Variants in GMDS observed in about 807,000 individuals in gnomAD.
The protein encoded by GMDS is GDP-mannose 4,6 dehydratase.
A neutral mutation model predicts 49.9 loss-of-function variants in GMDS; 20 were observed. The ratio of observed to expected loss-of-function variants is 0.40; its 90% CI spans 0.28 to 0.58. The LOEUF (loss-of-function observed/expected upper bound fraction) is 0.58, where lower values mean the gene tolerates loss of function less well. Among genes scored for constraint, GMDS ranks in the 20% least tolerant of loss-of-function variants. The pLI, the probability that GMDS is intolerant of heterozygous loss-of-function variation, is 0.42. For synonymous variants in GMDS, 177 were observed against 178.6 expected (o/e 0.99, Z 0.07); for missense variants, 362 against 481.4 (o/e 0.75, Z 2.32).
chr6:1,699,528 G>A (rs1156475048), intron 9 of GMDS, among the ~76,000 whole-genome samples: 11 of 152,080 alleles, frequency 7.2e-5, no homozygotes, highest in East Asian at 1.9e-4. Context: ...AGAGGCTCCC[G>A]GAAAGAACCC....
Position 1,624,056 on chromosome 6 carries a change from G to A in GMDS, c.*113C>T. The A allele has an allele frequency of 2.2e-6, 2 of 910,564 alleles. No homozygotes were observed. Among genetic ancestry groups the A allele is most frequent in the Admixed American group, 2.1e-5 (1 of 46,950 alleles). 56.4% of individuals were successfully genotyped at this position (910,564 alleles called of 1,614,324 possible). A position where few individuals can be genotyped will look rare whatever the true frequency, so the allele number is the denominator to read the frequency against. On this transcript the variant is annotated 3_prime_UTR_variant, in exon 11 of 11. Coordinates refer to ENST00000380815, the MANE Select transcript of GMDS (RefSeq NM_001500.4). ...GGCCGGGACAGCGCAGCGGCAGCAGGGGCCGCAGGGGACCCGCAGATTGGC... is the reference window on the plus strand; with the variant it reads ...GGCCGGGACAGCGCAGCGGCAGCAGAGGCCGCAGGGGACCCGCAGATTGGC...
intron 1 of GMDS, among the ~76,000 whole-genome samples, chr6:2,187,991 C>A (rs775208980): frequency 6.6e-6 from 1 of 152,204 alleles, no homozygotes; most frequent in East Asian, 1.9e-4. Flanking sequence ...AGCCTCCTTG[C>A]AGAGCATTCA....
intron 4 of GMDS, among the ~76,000 whole-genome samples, chr6:1,970,515 C>T (rs1370278266): frequency 6.6e-6 from 1 of 152,164 alleles, no homozygotes; most frequent in Non-Finnish European, 1.5e-5. Context: ...GAAGGCGCTA[C>T]CCGACCAGGA....
chr6:1,974,269 G>A (rs561319240), intron 4 of GMDS, among the ~76,000 whole-genome samples: 1 of 152,104 alleles, frequency 6.6e-6, no homozygotes, highest in Admixed American at 6.5e-5. Context: ...TGGAAAGGAG[G>A]GCCAGAAGCT....
At chr6:1,807,109 C>A (rs1770210314) in intron 7 of GMDS, among the ~76,000 whole-genome samples, 1 of 151,918 alleles carries the variant, frequency 6.6e-6, no homozygotes, top group Admixed American at 6.6e-5. Flanking sequence ...GTGTGGCAAT[C>A]AGGGCTCACC....
At chr6:2,127,668 G>A (rs1214624769) in intron 1 of GMDS, among the ~76,000 whole-genome samples, 1 of 152,188 alleles carries the variant, frequency 6.6e-6, no homozygotes, top group African/African-American at 2.4e-5. Context: ...AGTGGGAAAC[G>A]AGCCGAGCGA....
At chr6:1,806,293 T>C (rs1770172576) in intron 7 of GMDS, among the ~76,000 whole-genome samples, 1 of 152,188 alleles carries the variant, frequency 6.6e-6, no homozygotes, top group Non-Finnish European at 1.5e-5. Flanking sequence ...CTAAAGGTTC[T>C]TATAAATTGA....
At chr6:2,171,743 A>T (rs187169908) in intron 1 of GMDS, among the ~76,000 whole-genome samples, 1 of 152,354 alleles carries the variant, frequency 6.6e-6, no homozygotes, top group East Asian at 1.9e-4. Context: ...AAGCATCAGG[A>T]AAGTCTTCAA....
At chr6:2,194,603 CAA>C (rs1283963703) in intron 1 of GMDS, among the ~76,000 whole-genome samples, 6 of 152,138 alleles carry the variant, frequency 3.9e-5, no homozygotes, top group African/African-American at 1.4e-4. Context: ...ATTTTTATAT[CAA>C]GATACCAATA....
intron 7 of GMDS, among the ~76,000 whole-genome samples, chr6:1,744,982 C>CA (rs1336629680): frequency 2.3e-5 from 3 of 132,468 alleles, no homozygotes; most frequent in African/African-American, 7.6e-5. Flanking sequence ...CACAGAGGCA[C>CA]ACGTGCACAC....
intron 6 of GMDS, among the ~76,000 whole-genome samples, chr6:1,936,029 G>A (rs565774465): frequency 2.6e-5 from 4 of 152,128 alleles, no homozygotes; most frequent in Non-Finnish European, 5.9e-5. Context: ...CCTGGAAACA[G>A]GTTCAGCTTT....
chr6:1,953,475 T>C (rs1253801321), intron 6 of GMDS, among the ~76,000 whole-genome samples: 1 of 152,224 alleles, frequency 6.6e-6, no homozygotes, highest in Non-Finnish European at 1.5e-5. Context: ...TTAATTATCA[T>C]GCAAAATGTT....
At chr6:2,123,912 T>C (rs1048893976) in intron 2 of GMDS, among the ~76,000 whole-genome samples, 1 of 152,184 alleles carries the variant, frequency 6.6e-6, no homozygotes, top group Non-Finnish European at 1.5e-5. Context: ...TTCTTTCCTG[T>C]TGTGTTTCCA....
rs1436455715 is a variant in GMDS at position 1,637,538 on chromosome 6, C to T, written c.988-12998G>A. On this transcript the variant is annotated intron_variant, in intron 9 of 10. Transcript: ENST00000380815. ...GGCTATAAAGCGGACACTTGTGGCA[C>T]CTTATTGCCCTGGGTGGAGCAGGTC... Among the ~76,000 whole-genome samples, 3 of 152,364 alleles carry T rather than the reference C, an allele frequency of 2.0e-5. No homozygotes were observed. In the East Asian group the frequency reaches 5.8e-4, roughly 29 times the overall value.
intron 4 of GMDS, among the ~76,000 whole-genome samples, chr6:2,016,994 T>C (rs1354998075): frequency 6.8e-6 from 1 of 147,760 alleles, no homozygotes; most frequent in African/African-American, 2.5e-5. Flanking sequence ...CTTGAGAAGC[T>C]AAAAAAAAAG....
intron 1 of GMDS, among the ~76,000 whole-genome samples, chr6:2,206,920 G>A (rs1398698091): frequency 1.3e-5 from 2 of 152,144 alleles, no homozygotes; most frequent in East Asian, 1.9e-4. Context: ...AGCCATGAAG[G>A]GAGAATAAGC....
chr6:1,934,636 A>T (rs1332505203), intron 6 of GMDS, among the ~76,000 whole-genome samples: 1 of 152,096 alleles, frequency 6.6e-6, no homozygotes, highest in African/African-American at 2.4e-5. Context: ...TTTTTATTTT[A>T]TTATAAATAC....
At chr6:2,116,363 T>C (rs1261577468) in intron 3 of GMDS, among the ~76,000 whole-genome samples, 1 of 152,220 alleles carries the variant, frequency 6.6e-6, no homozygotes, top group Admixed American at 6.5e-5. Context: ...GAATGCCCGA[T>C]GTGGTGACAT....
At chr6:1,722,451 C>G (rs965724791) in intron 9 of GMDS, among the ~76,000 whole-genome samples, 5 of 151,144 alleles carry the variant, frequency 3.3e-5, no homozygotes, top group Admixed American at 6.6e-5. Flanking sequence ...TTTTGTTCAT[C>G]ATTGTACTCC....
Sources: allele counts gnomAD v4.1 joint callset (sites outside exome capture counted in the v4.1 genomes callset), GRCh38; gene constraint gnomAD v4.1.1; transcripts MANE v1.5; gene names NCBI Gene and HGNC (gene_info 2026-07-23, HGNC 2026-07-21).